The following SRCIN1 variants were observed in gnomAD, a reference collection of about 807,000 sequenced individuals.
SRCIN1 encodes P130Cas-associated protein.
SRCIN1 carries 50 observed loss-of-function variants against 116.2 expected under a neutral mutation model. That is an observed-to-expected ratio of 0.43 (90% CI 0.34 to 0.54). The LOEUF is 0.54. Among genes scored for constraint, SRCIN1 ranks in the 20% least tolerant of loss-of-function variants. The pLI is 0.02. For synonymous variants in SRCIN1, 736 were observed against 750.0 expected (o/e 0.98, Z 0.30); for missense variants, 1,446 against 1,672.0 (o/e 0.86, Z 2.36).
chr17:38,595,498 G>A (rs147611102), intron 1 of SRCIN1, among the ~76,000 whole-genome samples: 2 of 152,208 alleles, frequency 1.3e-5, no homozygotes, highest in Non-Finnish European at 2.9e-5. Context: ...TTACAGGCGT[G>A]AGCCACCGCG....
At chr17:38,557,094 C>T (rs558366957) in intron 11 of SRCIN1, among the ~76,000 whole-genome samples, 56 of 152,332 alleles carry the variant, frequency 3.7e-4, no homozygotes, top group African/African-American at 1.3e-3. Flanking sequence ...GGGGTGGCCC[C>T]TTACCCTATT....
chr17:38,605,718 C>A lies in SRCIN1; in HGVS notation c.-13G>T. The A allele has an allele frequency of 9.5e-7, 1 of 1,056,070 alleles. No homozygotes were observed. The highest frequency in any genetic ancestry group is 1.2e-6 in the Non-Finnish European group (1 of 836,196). The allele number at this position is 1,056,070 out of a possible 1,614,324, so 65.4% of individuals were successfully genotyped here. On this transcript the variant is annotated 5_prime_UTR_variant, in exon 1 of 19. Coordinates refer to ENST00000617146, the MANE Select transcript of SRCIN1 (RefSeq NM_025248.3). ...GAGCGTTCCCCATCGGGCGGGGGCG[C>A]GGGGGGCGGGGGCCCCGGGCCGGCC...
intron 18 of SRCIN1, among the ~76,000 whole-genome samples, chr17:38,536,424 A>G (rs917562239): frequency 1.3e-5 from 2 of 152,234 alleles, no homozygotes; most frequent in Non-Finnish European, 2.9e-5. Context: ...CAGAAACCTC[A>G]CACATGTCCA....
chr17:38,533,113 C>CA lies in SRCIN1; in HGVS notation c.*183dup. On this transcript the variant is annotated 3_prime_UTR_variant, in exon 19 of 19. Coordinates refer to ENST00000617146, the MANE Select transcript of SRCIN1 (RefSeq NM_025248.3). Reference sequence around the variant, plus strand: ...TAATTGTTAAAAAAAAAAAAAAAAACAAAACCAAAAACACCAACAGATGAT... The same window carrying CA: ...TAATTGTTAAAAAAAAAAAAAAAAACAAAAACCAAAAACACCAACAGATGAT... 1 of 318,700 alleles carries CA rather than the reference C, an allele frequency of 3.1e-6. No homozygotes were observed. Among genetic ancestry groups the CA allele is most frequent in the East Asian group, 5.5e-5 (1 of 18,290 alleles). 19.7% of individuals were successfully genotyped at this position (318,700 alleles called of 1,614,324 possible).
intron 1 of SRCIN1, among the ~76,000 whole-genome samples, chr17:38,597,190 G>A (rs1908772885): frequency 6.6e-6 from 1 of 152,202 alleles, no homozygotes; most frequent in Non-Finnish European, 1.5e-5. Flanking sequence ...CACGGACTGG[G>A]AGAAAATATT....
chr17:38,548,202 G>C (rs1439960532), intron 17 of SRCIN1, among the ~76,000 whole-genome samples: 2 of 152,042 alleles, frequency 1.3e-5, no homozygotes, highest in African/African-American at 2.4e-5. Flanking sequence ...AAGTATGGGG[G>C]TCTCAAGCAT....
At chr17:38,583,563 T>TG (rs1907942285) in intron 1 of SRCIN1, among the ~76,000 whole-genome samples, 1 of 148,586 alleles carries the variant, frequency 6.7e-6, no homozygotes, top group Non-Finnish European at 1.5e-5. Flanking sequence ...TTTTTTTTTT[T>TG]TTTTTTTGAG....
chr17:38,582,519 A>G (rs2143346166), intron 1 of SRCIN1, among the ~76,000 whole-genome samples: 1 of 152,084 alleles, frequency 6.6e-6, no homozygotes, highest in Non-Finnish European at 1.5e-5. Flanking sequence ...AGCAGGGACT[A>G]CCCCTCACTG....
intron 1 of SRCIN1, 106 bp downstream of exon 1, chr17:38,605,551 CCCGCCGGCCACCGCCTCCCCGGCCCGG>C: frequency 1.7e-6 from 1 of 577,012 alleles, no homozygotes; most frequent in Non-Finnish European, 2.6e-6. Context: ...CATCCCTCGC[CCCGCCGGCCACCGCCTCCCCGGCCCGG>C]CCGCCGCCCC....
At chr17:38,596,367 G>T (rs1019888401) in intron 1 of SRCIN1, among the ~76,000 whole-genome samples, 2 of 152,162 alleles carry the variant, frequency 1.3e-5, no homozygotes, top group Non-Finnish European at 2.9e-5. Context: ...GGGTGTCATA[G>T]GAAGAGCAGG....
rs1906868250 is a variant in SRCIN1 at position 38,568,562 on chromosome 17, G to A, written c.325-331C>T. ...GACAAAGCTGAGCTGTGGGGTCAGA[G>A]AAATGGCAGGCCAGGGAACAGTGCT... On this transcript the variant is annotated intron_variant, in intron 2 of 18. Coordinates refer to ENST00000617146, the MANE Select transcript of SRCIN1 (RefSeq NM_025248.3). The surrounding 1 kb of genome is among the most constrained non-coding windows in gnomAD (Gnocchi z 4.5). Among the ~76,000 whole-genome samples, 1 of 152,202 alleles carries A rather than the reference G, an allele frequency of 6.6e-6. No individual in the cohort carries two copies. The highest frequency in any genetic ancestry group is 6.5e-5 in the Admixed American group (1 of 15,286).
At chr17:38,542,262 G>A (rs1240064781) in intron 18 of SRCIN1, 1 of 154,078 alleles carries the variant, frequency 6.5e-6, no homozygotes, top group East Asian at 1.9e-4. Context: ...AGAGCTGAGG[G>A]AAGGGGCTGC....
chr17:38,575,569 T>C (rs906996990), intron 2 of SRCIN1, among the ~76,000 whole-genome samples: 10 of 152,148 alleles, frequency 6.6e-5, no homozygotes, highest in Non-Finnish European at 1.2e-4. Context: ...TTCTTGGCTG[T>C]CCCTCTGCAC....
intron 7 of SRCIN1, among the ~76,000 whole-genome samples, chr17:38,561,240 C>T (rs754366335): frequency 9.2e-5 from 14 of 152,204 alleles, no homozygotes; most frequent in Admixed American, 2.6e-4. Context: ...CTCAACCACC[C>T]CCTCCAGTCT....
chr17:38,533,103 A>AC lies in SRCIN1; in HGVS notation c.*193_*194insG, dbSNP rs1189425238. ...AATTAAAAGTTAATTGTTAAAAAAA[A>AC]AAAAAAAAACAAAACCAAAAACACC... On this transcript the variant is annotated 3_prime_UTR_variant, in exon 19 of 19. Coordinates refer to ENST00000617146, the MANE Select transcript of SRCIN1 (RefSeq NM_025248.3). 269 of 424,130 alleles carry AC rather than the reference A, an allele frequency of 6.3e-4. 6 individuals carry two copies. The Middle Eastern group carries it at 8.5e-3, about 13-fold the overall frequency. The allele number at this position is 424,130 out of a possible 1,614,324, so 26.3% of individuals were successfully genotyped here. A position where few individuals can be genotyped will look rare whatever the true frequency, so the allele number is the denominator to read the frequency against.
intron 17 of SRCIN1, among the ~76,000 whole-genome samples, chr17:38,547,446 C>T (rs1026530083): frequency 1.3e-5 from 2 of 152,136 alleles, no homozygotes; most frequent in South Asian, 2.1e-4. Context: ...GCTCAAACTG[C>T]GAACCAGAAC....
At chr17:38,537,620 T>A (rs2144884383) in intron 18 of SRCIN1, among the ~76,000 whole-genome samples, 1 of 151,384 alleles carries the variant, frequency 6.6e-6, no homozygotes, top group South Asian at 2.1e-4. Context: ...TGAAACCCTG[T>A]CTCTACTAAA....
chr17:38,570,716 T>C (rs1160261652), intron 2 of SRCIN1, among the ~76,000 whole-genome samples: 1 of 152,188 alleles, frequency 6.6e-6, no homozygotes, highest in Admixed American at 6.5e-5. Flanking sequence ...GGCCTCCACA[T>C]GGGCCTGCCC....
rs1567846000 is a variant in SRCIN1, at chr17:38,533,395, C to T, written c.3454G>A (p.Glu1152Lys). 1 of 1,612,708 alleles carries T rather than the reference C, an allele frequency of 6.2e-7. No individual in the cohort carries two copies. Among genetic ancestry groups the T allele is most frequent in the Non-Finnish European group, 8.5e-7 (1 of 1,179,552 alleles). ...KPSKEMSGSN[E>K]TSSPVSEKPS... ...TTTTCTGAGACTGGGCTCGAGGTCTCATTCGACCCGCTCATCTCTTTAGAT... is the reference window on the plus strand; with the variant it reads ...TTTTCTGAGACTGGGCTCGAGGTCTTATTCGACCCGCTCATCTCTTTAGAT... Residue 1152 changes from glutamate (E) to lysine (K), a missense_variant, in exon 19 of 19, where the codon GAG becomes AAG. Around this residue, in one of 5 missense-constraint regions of SRCIN1, gnomAD observed 531 missense variants for 633.9 expected, o/e 0.84. Transcript: ENST00000617146.
Sources: gnomAD v4.1 joint callset for allele counts (sites outside exome capture counted in the v4.1 genomes callset) on GRCh38, gnomAD v4.1.1 for gene constraint, gnomAD v4.1.1 regional missense constraint, Gnocchi (gnomAD v3.1) non-coding constraint, MANE v1.5 for transcripts, NCBI Gene and HGNC (gene_info 2026-07-23, HGNC 2026-07-21) for gene names.